The following NKAIN3 variants were observed in gnomAD, a reference collection of about 807,000 sequenced individuals.
NKAIN3 encodes the protein sodium/potassium transporting ATPase interacting 3.
Under a neutral mutation model 30.2 loss-of-function variants are expected in NKAIN3, and 25 were observed. The observed-to-expected ratio is 0.83, with a 90% CI of 0.60 to 1.16. The LOEUF (loss-of-function observed/expected upper bound fraction) is 1.16. Ranked by LOEUF, NKAIN3 falls within the 50% of genes most tolerant of loss-of-function variation. NKAIN3 has a pLI of 0.00. For synonymous variants in NKAIN3, 91 were observed against 89.6 expected (o/e 1.02, Z -0.09); for missense variants, 225 against 254.1 (o/e 0.89, Z 0.78).
chr8:62,461,500 A>T (rs1300565599), intron 1 of NKAIN3, among the ~76,000 whole-genome samples: 4 of 152,256 alleles, frequency 2.6e-5, no homozygotes. Flanking sequence ...AGAATCCTAG[A>T]TGTTGAACTT....
At chr8:62,411,381 G>A (rs1437131868) in intron 1 of NKAIN3, among the ~76,000 whole-genome samples, 2 of 152,058 alleles carry the variant, frequency 1.3e-5, no homozygotes, top group East Asian at 1.9e-4. Flanking sequence ...AACAAACTAG[G>A]CATTTAAGGA....
chr8:62,633,330 T>A (rs924664425), intron 3 of NKAIN3, among the ~76,000 whole-genome samples: 1 of 152,196 alleles, frequency 6.6e-6, no homozygotes, highest in Non-Finnish European at 1.5e-5. Flanking sequence ...GATAACCCTG[T>A]CTGTCACTAA....
intron 4 of NKAIN3, among the ~76,000 whole-genome samples, chr8:62,895,712 C>G (rs1821410051): frequency 6.6e-6 from 1 of 152,136 alleles, no homozygotes; most frequent in South Asian, 2.1e-4. Flanking sequence ...ACTTACTAAT[C>G]TATTTCTGAT....
chr8:62,904,793 T>G (rs1424258202), intron 4 of NKAIN3, among the ~76,000 whole-genome samples: 1 of 152,220 alleles, frequency 6.6e-6, no homozygotes, highest in Admixed American at 6.5e-5. Flanking sequence ...CAAAGTTGAA[T>G]TGAGAAAAAG....
At chr8:62,664,857 G>T (rs1813051423) in intron 3 of NKAIN3, among the ~76,000 whole-genome samples, 1 of 152,172 alleles carries the variant, frequency 6.6e-6, no homozygotes, top group South Asian at 2.1e-4. Context: ...TCTAAATGTT[G>T]ATGTCACCTA....
At chr8:62,508,520 C>G (rs1335902504) in intron 1 of NKAIN3, among the ~76,000 whole-genome samples, 2 of 152,202 alleles carry the variant, frequency 1.3e-5, no homozygotes, top group Admixed American at 6.5e-5. Flanking sequence ...CAAGCCAAGC[C>G]CCTCATTGTC....
At chr8:62,859,573 TAACCAA>T (rs925620719) in intron 4 of NKAIN3, among the ~76,000 whole-genome samples, 3 of 143,524 alleles carry the variant, frequency 2.1e-5, no homozygotes, top group African/African-American at 7.7e-5. Flanking sequence ...AATAACATTT[TAACCAA>T]AACCACATAA....
intron 1 of NKAIN3, among the ~76,000 whole-genome samples, chr8:62,537,211 G>A (rs1808692845): frequency 6.6e-6 from 1 of 152,094 alleles, no homozygotes; most frequent in Non-Finnish European, 1.5e-5. Flanking sequence ...GTTTCATCAA[G>A]CAGGGCCTAC....
chr8:62,739,459 A>G (rs142162496), intron 3 of NKAIN3, among the ~76,000 whole-genome samples: 7 of 152,206 alleles, frequency 4.6e-5, no homozygotes, highest in African/African-American at 1.7e-4. Context: ...TGTTGCTCTG[A>G]TAGGGGCTCT....
chr8:62,523,707 T>C (rs1446015851), intron 1 of NKAIN3, among the ~76,000 whole-genome samples: 1 of 152,092 alleles, frequency 6.6e-6, no homozygotes, highest in Non-Finnish European at 1.5e-5. Context: ...CAGTGGGGCA[T>C]CTCTGGATTT....
At chr8:62,923,536 A>G (rs753728552) in intron 5 of NKAIN3, among the ~76,000 whole-genome samples, 1 of 152,172 alleles carries the variant, frequency 6.6e-6, no homozygotes, top group Non-Finnish European at 1.5e-5. Flanking sequence ...ATGCAATTAG[A>G]TATATTTTTA....
At chr8:62,548,843 A>C (rs936694482) in intron 1 of NKAIN3, among the ~76,000 whole-genome samples, 8 of 119,262 alleles carry the variant, frequency 6.7e-5, no homozygotes, top group African/African-American at 2.2e-4. Context: ...GAAACATTGA[A>C]AAATGAAAAC....
intron 1 of NKAIN3, chr8:62,474,328 A>G (rs1188587388): frequency 1.3e-5 from 2 of 152,228 alleles, no homozygotes; most frequent in Admixed American, 6.5e-5. Flanking sequence ...TAAGACAGGG[A>G]GCACAGGGAA....
intron 5 of NKAIN3, among the ~76,000 whole-genome samples, chr8:62,953,602 A>G (rs1823343567): frequency 6.6e-6 from 1 of 152,212 alleles, no homozygotes; most frequent in African/African-American, 2.4e-5. Context: ...GCATGTCTGT[A>G]TGCCTAAGGA....
chr8:62,879,755 T>G (rs1820918165), intron 4 of NKAIN3, among the ~76,000 whole-genome samples: 1 of 152,134 alleles, frequency 6.6e-6, no homozygotes, highest in South Asian at 2.1e-4. Flanking sequence ...GGAGTACATG[T>G]TGGTTTCAGG....
At chr8:62,893,754 A>G (rs1298626223) in intron 4 of NKAIN3, among the ~76,000 whole-genome samples, 1 of 152,214 alleles carries the variant, frequency 6.6e-6, no homozygotes, top group Admixed American at 6.5e-5. Context: ...CAATATCCAG[A>G]CCCTGGAAAT....
At chr8:62,495,039 C>T (rs7812896) in intron 1 of NKAIN3, among the ~76,000 whole-genome samples, 5,555 of 152,118 alleles carry the variant, frequency 0.037, 383 homozygotes, top group African/African-American at 0.13. Flanking sequence ...TTAAAGGTTA[C>T]TTGGAAATCA....
chr8:62,943,275 A>G (rs973060383), intron 5 of NKAIN3, among the ~76,000 whole-genome samples: 2 of 152,200 alleles, frequency 1.3e-5, no homozygotes, highest in Non-Finnish European at 2.9e-5. Context: ...ATTGTGAACA[A>G]ACATATGAAA....
chr8:62,581,216 G>A (rs963034264), intron 2 of NKAIN3, among the ~76,000 whole-genome samples: 3 of 151,536 alleles, frequency 2.0e-5, no homozygotes, highest in Non-Finnish European at 2.9e-5. Context: ...CCTAGAAGGG[G>A]GTTTCATGGA....
Sources: gnomAD v4.1 joint callset for allele counts (sites outside exome capture counted in the v4.1 genomes callset) on GRCh38, gnomAD v4.1.1 for gene constraint, MANE v1.5 for transcripts, NCBI Gene and HGNC (gene_info 2026-07-23, HGNC 2026-07-21) for gene names.